Variants in NFAT5 observed in about 807,000 individuals in gnomAD.
The protein encoded by NFAT5 is nuclear factor of activated T-cells 5.
Under a neutral mutation model 166.5 loss-of-function variants are expected in NFAT5, and 31 were observed. The observed-to-expected ratio is 0.19, with a 90% CI of 0.14 to 0.25. The LOEUF (loss-of-function observed/expected upper bound fraction) is 0.25, where lower values mean the gene tolerates loss of function less well. NFAT5 is among the 10% of genes least tolerant of loss of function. NFAT5 has a pLI of 1.00. For synonymous variants in NFAT5, 612 were observed against 639.7 expected (o/e 0.96, Z 0.65); for missense variants, 1,449 against 1,821.8 (o/e 0.80, Z 3.72).
chr16:69,613,411 C>T (rs2033794423), intron 2 of NFAT5, among the ~76,000 whole-genome samples: 1 of 152,156 alleles, frequency 6.6e-6, no homozygotes, highest in Non-Finnish European at 1.5e-5. Flanking sequence ...TCCCTGTGTG[C>T]TGAGGGATAA....
chr16:69,619,350 A>G (rs758434400), intron 2 of NFAT5, among the ~76,000 whole-genome samples: 1 of 152,166 alleles, frequency 6.6e-6, no homozygotes, highest in Non-Finnish European at 1.5e-5. Flanking sequence ...TATATATTTT[A>G]TTTGATTATA....
chr16:69,566,487 C>A lies in NFAT5; in HGVS notation c.73+113C>A. ...CCGCCGGGGGCGGCTGAGCCGCGAC[C>A]CCCATGGCTTCTTTGGCCGGAGCGG... On this transcript the variant is annotated intron_variant, in intron 1 of 14. Transcript: ENST00000349945. The surrounding 1 kb of genome is among the most constrained non-coding windows in gnomAD (Gnocchi z 5.7). The A allele has an allele frequency of 3.3e-6, 3 of 899,110 alleles. No homozygotes were observed. The highest frequency in any genetic ancestry group is 5.3e-6 in the Non-Finnish European group (3 of 566,054). The allele number at this position is 899,110 out of a possible 1,614,324, so 55.7% of individuals were successfully genotyped here.
intron 9 of NFAT5, among the ~76,000 whole-genome samples, chr16:69,671,729 A>C (rs111476513): frequency 7.2e-5 from 11 of 152,332 alleles, no homozygotes; most frequent in African/African-American, 2.4e-4. Context: ...GGAGAGATGC[A>C]TAACACAAGG....
At position 69,695,202 on chromosome 16, in the gene NFAT5, C is replaced by T; in HGVS notation, c.4481C>T (p.Pro1494Leu). 6.2e-7 allele frequency: 1 copy of T among 1,614,194 alleles called. No individual in the cohort carries two copies. Among genetic ancestry groups the T allele is most frequent in the South Asian group, 1.1e-5 (1 of 91,086 alleles). The change falls in exon 14 of 15, where the codon CCA becomes CTA. Residue 1494 changes from proline (P) to leucine (L), a missense_variant. By Grantham distance (98) the Pro-to-Leu change is moderately conservative. Transcript: ENST00000349945. Reference sequence around the variant, plus strand: ...GATCAGTTGATGGCCATAAGTCAGCCAGGCCAACCACAAAACGAGGGCCAG... The same window carrying T: ...GATCAGTTGATGGCCATAAGTCAGCTAGGCCAACCACAAAACGAGGGCCAG... The part of the protein sequence containing the change: ...LPDQLMAISQ[P>L]GQPQNEGQPP...
intron 2 of NFAT5, among the ~76,000 whole-genome samples, chr16:69,604,513 A>G (rs997460037): frequency 1.3e-5 from 2 of 151,914 alleles, no homozygotes; most frequent in African/African-American, 4.8e-5. Context: ...TCTCCCTCCT[A>G]CCCTTGACCT....
intron 2 of NFAT5, among the ~76,000 whole-genome samples, chr16:69,604,848 AT>A (rs2033321418): frequency 6.6e-6 from 1 of 152,054 alleles, no homozygotes; most frequent in African/African-American, 2.4e-5. Context: ...TCAGTATAAT[AT>A]TTTTGAGGTT....
chr16:69,664,980 C>G (rs1174414489), intron 7 of NFAT5, among the ~76,000 whole-genome samples: 1 of 152,112 alleles, frequency 6.6e-6, no homozygotes, highest in African/African-American at 2.4e-5. Context: ...TTAGCCAAGA[C>G]TGCGCCACTG....
At chr16:69,690,852 A>T in intron 11 of NFAT5, 88 bp from the exon 12 acceptor site, 1 of 1,124,536 alleles carries the variant, frequency 8.9e-7, no homozygotes, top group Non-Finnish European at 1.2e-6. Flanking sequence ...ATAGACATTT[A>T]AATCATGGCT....
chr16:69,678,422 C>T (rs2036922167), intron 10 of NFAT5, among the ~76,000 whole-genome samples: 1 of 152,004 alleles, frequency 6.6e-6, no homozygotes, highest in South Asian at 2.1e-4. Context: ...ACCATGTTAG[C>T]CAGGCTGGTC....
chr16:69,653,828 G>A (rs1009482066), intron 5 of NFAT5, among the ~76,000 whole-genome samples: 19 of 151,936 alleles, frequency 1.3e-4, no homozygotes, highest in Non-Finnish European at 2.6e-4. Flanking sequence ...CGCCTTGGAG[G>A]AAGAAATATT....
chr16:69,678,340 G>A (rs995403909), intron 10 of NFAT5, among the ~76,000 whole-genome samples: 5 of 151,388 alleles, frequency 3.3e-5, no homozygotes, highest in East Asian at 2.0e-4. Flanking sequence ...TCAGCCTCCC[G>A]AGTAGCTGGG....
At chr16:69,664,806 T>G (rs925935852) in intron 7 of NFAT5, among the ~76,000 whole-genome samples, 4 of 152,140 alleles carry the variant, frequency 2.6e-5, no homozygotes, top group Non-Finnish European at 5.9e-5. Context: ...GGTGGGCCCA[T>G]TACCTGAGGT....
At chr16:69,646,544 G>A (rs2035446680) in intron 3 of NFAT5, 1 of 1,265,668 alleles carries the variant, frequency 7.9e-7, no homozygotes, top group Non-Finnish European at 1.0e-6. Context: ...GGGAGTGTCT[G>A]CATTAAAAAT....
In NFAT5 at chr16:69,647,070, G is replaced by A; in HGVS notation, c.296G>A (p.Cys99Tyr). The A allele has an allele frequency of 1.2e-6, 2 of 1,603,878 alleles. No individual in the cohort carries two copies. Among genetic ancestry groups the A allele is most frequent in the Non-Finnish European group, 1.7e-6 (2 of 1,173,084 alleles). ...TCCTCTTCCTCCATGGGCGGTGCTTGCAGCTCCTTTACCACCTCTTCCAGC... is the reference window on the plus strand; with the variant it reads ...TCCTCTTCCTCCATGGGCGGTGCTTACAGCTCCTTTACCACCTCTTCCAGC... ...APSSSSMGGA[C>Y]SSFTTSSSPT... The change falls in exon 4 of 15, where the codon TGC (cysteine) becomes TAC (tyrosine). Residue 99 changes from cysteine to tyrosine, a missense_variant. Cys to Tyr is a radical substitution (Grantham distance 194). Transcript: ENST00000349945. This position sits in a 1 kb window ranked among gnomAD's most constrained non-coding sequence, Gnocchi z 4.8.
chr16:69,653,398 T>C lies in NFAT5; in HGVS notation c.975T>C (p.Asp325=), dbSNP rs774078368. The C allele has an allele frequency of 1.4e-5, 23 of 1,595,532 alleles. No homozygotes were observed. Among genetic ancestry groups the C allele is most frequent in the African/African-American group, 6.8e-5 (5 of 73,504 alleles). The change falls in exon 5 of 15, where the codon GAT becomes GAC. Residue 325 remains aspartate (D), a synonymous_variant. Transcript: ENST00000349945. ...AGGGCAGCCGTGGCTCAGTGAAAGA[T>C]AGAACACAGCAAGGCTTTCCTACAG... ...LTEGSRGSVK[D]RTQQGFPTVK...
chr16:69,693,902 T>C lies in NFAT5; in HGVS notation c.4077T>C (p.Pro1359=). The C allele has an allele frequency of 6.2e-7, 1 of 1,614,232 alleles. No homozygotes were observed. The highest frequency in any genetic ancestry group is 8.5e-7 in the Non-Finnish European group (1 of 1,180,028). ...STVSSLQNPG[P]TQSESSQTPL... is the part of the protein sequence containing the mutation. Reference sequence around the variant, plus strand: ...TTTCCTCACTTCAGAACCCAGGTCCTACCCAGTCGGAATCATCACAGACCC... The same window carrying C: ...TTTCCTCACTTCAGAACCCAGGTCCCACCCAGTCGGAATCATCACAGACCC... Residue 1359 remains proline (P), a synonymous_variant, in exon 13 of 15, where the codon CCT becomes CCC. Coordinates refer to ENST00000349945, the MANE Select transcript of NFAT5 (RefSeq NM_138713.4).
At chr16:69,580,973 AC>A (rs1280985633) in intron 2 of NFAT5, among the ~76,000 whole-genome samples, 1 of 152,038 alleles carries the variant, frequency 6.6e-6, no homozygotes, top group Non-Finnish European at 1.5e-5. Context: ...AATTCTTAAA[AC>A]CTGGGTCCTC....
At chr16:69,672,634 CTG>C (rs1448905893) in intron 9 of NFAT5, among the ~76,000 whole-genome samples, 1 of 152,112 alleles carries the variant, frequency 6.6e-6, no homozygotes, top group African/African-American at 2.4e-5. Flanking sequence ...AAATGGGTGA[CTG>C]TGTGGTCTAA....
chr16:69,668,168 A>G lies in NFAT5; in HGVS notation c.1370-1809A>G, dbSNP rs145412613. On this transcript the variant is annotated intron_variant, in intron 7 of 14. Coordinates refer to ENST00000349945, the MANE Select transcript of NFAT5 (RefSeq NM_138713.4). ...TTTTTAGTAAAGATGGGGTTTCACCATGTTGGCCAGGCTGACCAACTTGAA... is the reference window on the plus strand; with the variant it reads ...TTTTTAGTAAAGATGGGGTTTCACCGTGTTGGCCAGGCTGACCAACTTGAA... 5.4e-3 allele frequency among the ~76,000 whole-genome samples: 824 copies of G among 152,192 alleles called. 7 individuals carry two copies. Among genetic ancestry groups the G allele is most frequent in the African/African-American group, 0.019 (772 of 41,516 alleles).
Sources: allele counts gnomAD v4.1 joint callset (sites outside exome capture counted in the v4.1 genomes callset), GRCh38; gene constraint gnomAD v4.1.1; non-coding constraint Gnocchi (gnomAD v3.1); transcripts MANE v1.5; gene names NCBI Gene and HGNC (gene_info 2026-07-23, HGNC 2026-07-21).